BCL2: variants seen among roughly 807,000 people sequenced by gnomAD.
BCL2 encodes BCL2 apoptosis regulator.
Under a neutral mutation model 14.2 loss-of-function variants are expected in BCL2, and 1 was observed. The ratio of observed to expected loss-of-function variants is 0.07; its 90% CI spans 0.02 to 0.33. The LOEUF is 0.33. Ranked by LOEUF, BCL2 falls within the 10% of genes least tolerant of loss-of-function variation. The probability of loss-of-function intolerance (pLI) is 0.99; values close to 1 mark genes in which losing one functional copy is unlikely to be tolerated. For synonymous variants in BCL2, 151 were observed against 137.2 expected (o/e 1.10, Z -0.70); for missense variants, 247 against 305.9 (o/e 0.81, Z 1.44).
chr18:63,256,451 GAGTGATCTGCCCGCCTTGACCTCCCAA>G (rs1290226061), intron 2 of BCL2, among the ~76,000 whole-genome samples: 1 of 152,150 alleles, frequency 6.6e-6, no homozygotes, highest in African/African-American at 2.4e-5. Context: ...TTCCGACCTC[GAGTGATCTGCCCGCCTTGACCTCCCAA>G]AGTGCTGGGA....
intron 2 of BCL2, among the ~76,000 whole-genome samples, chr18:63,268,063 C>T (rs746193689): frequency 6.6e-6 from 1 of 152,230 alleles, no homozygotes; most frequent in Admixed American, 6.5e-5. Flanking sequence ...TCTCTTTTCA[C>T]GCATGGCGGA....
At chr18:63,257,041 TTTTG>T (rs1568249216) in intron 2 of BCL2, among the ~76,000 whole-genome samples, 1 of 152,270 alleles carries the variant, frequency 6.6e-6, no homozygotes, top group Admixed American at 6.5e-5. Context: ...GTCCTTACTA[TTTTG>T]TTTTTCATGT....
intron 2 of BCL2, among the ~76,000 whole-genome samples, chr18:63,259,413 G>A (rs1362588998): frequency 2.0e-5 from 3 of 152,264 alleles, no homozygotes. Context: ...GGCAGCTGGG[G>A]AGCACCTTGC....
chr18:63,277,471 AATTG>A (rs980505233), intron 2 of BCL2, among the ~76,000 whole-genome samples: 2 of 152,030 alleles, frequency 1.3e-5, no homozygotes, highest in African/African-American at 4.8e-5. Flanking sequence ...ATAAAAAAAA[AATTG>A]TTAATGAGCC....
At chr18:63,181,930 G>C (rs978699756) in intron 2 of BCL2, among the ~76,000 whole-genome samples, 1 of 152,168 alleles carries the variant, frequency 6.6e-6, no homozygotes, top group Non-Finnish European at 1.5e-5. Context: ...GTCAGAGATG[G>C]GGCAGGCACA....
At chr18:63,309,114 G>A (rs1913229011) in intron 2 of BCL2, among the ~76,000 whole-genome samples, 1 of 152,186 alleles carries the variant, frequency 6.6e-6, no homozygotes, top group African/African-American at 2.4e-5. Context: ...CAAAGCTGCA[G>A]GTTAACCACC....
intron 2 of BCL2, among the ~76,000 whole-genome samples, chr18:63,221,490 T>C (rs918279426): frequency 2.6e-5 from 4 of 152,136 alleles, no homozygotes; most frequent in East Asian, 1.9e-4. Context: ...GAAATAAAGA[T>C]AAAATTGAAG....
Position 63,126,086 on chromosome 18 carries a change from G to A in BCL2, c.*2539C>T. On this transcript the variant is annotated 3_prime_UTR_variant, in exon 3 of 3. Transcript: ENST00000333681. ...TGACTCCATTAAAATGATTTTGGCA[G>A]GATAGCAGCACAGGATTGGATATTC... 1 of 216,618 alleles carries A rather than the reference G, an allele frequency of 4.6e-6. No homozygotes were observed. 13.4% of individuals were successfully genotyped at this position (216,618 alleles called of 1,614,324 possible).
chr18:63,282,427 T>C (rs1480921028), intron 2 of BCL2, among the ~76,000 whole-genome samples: 1 of 152,226 alleles, frequency 6.6e-6, no homozygotes, highest in African/African-American at 2.4e-5. Flanking sequence ...TATCCTATAG[T>C]GGCCTTGAAA....
intron 2 of BCL2, among the ~76,000 whole-genome samples, chr18:63,132,760 T>C (rs1408202348): frequency 6.6e-6 from 1 of 152,238 alleles, no homozygotes; most frequent in Non-Finnish European, 1.5e-5. Flanking sequence ...TTCCGAAGTC[T>C]GTTTGAACAG....
At chr18:63,166,719 G>A (rs1196224928) in intron 2 of BCL2, among the ~76,000 whole-genome samples, 2 of 152,206 alleles carry the variant, frequency 1.3e-5, no homozygotes, top group South Asian at 2.1e-4. Context: ...ACAGCTTACC[G>A]ACGGGATATG....
chr18:63,242,438 T>C (rs1214286904), intron 2 of BCL2, among the ~76,000 whole-genome samples: 1 of 152,278 alleles, frequency 6.6e-6, no homozygotes, highest in Non-Finnish European at 1.5e-5. Context: ...GACCCCATTG[T>C]GTGCCAGTGT....
rs1446764628 is a variant in BCL2, at chr18:63,127,769, C to G, written c.*856G>C. 8.9e-6 allele frequency: 2 copies of G among 225,542 alleles called. No homozygotes were observed. The highest frequency in any genetic ancestry group is 1.8e-5 in the Non-Finnish European group (2 of 113,082). The allele number at this position is 225,542 out of a possible 1,614,324, so 14.0% of individuals were successfully genotyped here. On this transcript the variant is annotated 3_prime_UTR_variant, in exon 3 of 3. Coordinates refer to ENST00000333681, the MANE Select transcript of BCL2 (RefSeq NM_000633.3). ...CCTCAAGTTCCAGAGGATTCTGTTT[C>G]TTACTCAGACAGAGCCAGTATTGGG...
At chr18:63,291,410 C>T (rs1640475530) in intron 2 of BCL2, among the ~76,000 whole-genome samples, 1 of 152,192 alleles carries the variant, frequency 6.6e-6, no homozygotes, top group Non-Finnish European at 1.5e-5. Context: ...ATTCACAATA[C>T]AGTGTTGATG....
intron 2 of BCL2, chr18:63,317,504 T>A: frequency 1.0e-6 from 1 of 966,164 alleles, no homozygotes; most frequent in Non-Finnish European, 1.2e-6. Flanking sequence ...CAAACACAAC[T>A]AAGTTTTTCA....
intron 2 of BCL2, among the ~76,000 whole-genome samples, chr18:63,174,728 G>T (rs948719603): frequency 2.7e-5 from 4 of 150,242 alleles, no homozygotes; most frequent in Non-Finnish European, 4.4e-5. Flanking sequence ...GCTGAGGCAG[G>T]AGAATTGCTT....
chr18:63,220,628 A>G (rs1223605425), intron 2 of BCL2, among the ~76,000 whole-genome samples: 1 of 152,230 alleles, frequency 6.6e-6, no homozygotes, highest in Non-Finnish European at 1.5e-5. Flanking sequence ...AGCACTTACA[A>G]TCTTGGGGAG....
chr18:63,203,866 C>T (rs1013151326), intron 2 of BCL2, among the ~76,000 whole-genome samples: 4 of 152,148 alleles, frequency 2.6e-5, no homozygotes, highest in African/African-American at 9.7e-5. Flanking sequence ...GTACACATTA[C>T]TTTACTCAAA....
intron 2 of BCL2, among the ~76,000 whole-genome samples, chr18:63,146,890 G>GA (rs1301495958): frequency 6.6e-6 from 1 of 152,184 alleles, no homozygotes; most frequent in Non-Finnish European, 1.5e-5. Context: ...ACCACCTGAA[G>GA]AAAGTGATTT....
Sources: allele counts gnomAD v4.1 joint callset (sites outside exome capture counted in the v4.1 genomes callset), GRCh38; gene constraint gnomAD v4.1.1; transcripts MANE v1.5; gene names NCBI Gene and HGNC (gene_info 2026-07-23, HGNC 2026-07-21).